GPHN: variants seen among roughly 807,000 people sequenced by gnomAD.
The protein encoded by GPHN is gephyrin.
GPHN carries 17 observed loss-of-function variants against 95.5 expected under a neutral mutation model. The observed-to-expected ratio is 0.18, with a 90% CI of 0.12 to 0.27. The LOEUF (loss-of-function observed/expected upper bound fraction) is 0.27, where lower values mean the gene tolerates loss of function less well. Among genes scored for constraint, GPHN ranks in the 10% least tolerant of loss-of-function variants. The pLI is 1.00. For missense variants in GPHN, 660 were observed against 978.1 expected, an observed-to-expected ratio of 0.67 and a Z score of 4.34; for synonymous variants, 320 against 322.5, an observed-to-expected ratio of 0.99 and a Z score of 0.08.
rs1454303805 is a variant in GPHN at position 66,717,438 on chromosome 14, C to T, written c.143+36253C>T. ...TTTTTTATTTCCTTGCATTGGGCTT[C>T]GCCTTTCTCTGGTGCTTCCCTGATT... On this transcript the variant is annotated intron_variant, in intron 2 of 22. Transcript: ENST00000478722. 7.2e-5 allele frequency among the ~76,000 whole-genome samples: 11 copies of T among 152,092 alleles called. No individual in the cohort carries two copies. In the East Asian group the frequency reaches 7.7e-4, roughly 11 times the overall value.
At chr14:67,642,955 A>G in the GPHN span, among the ~76,000 whole-genome samples, 1 of 151,674 alleles carries the variant, frequency 6.6e-6, no homozygotes, top group East Asian at 1.9e-4. Context: ...GGTGCATGCC[A>G]CCATGCCTGG....
intron 1 of GPHN, among the ~76,000 whole-genome samples, chr14:66,585,813 G>A (rs1848518683): frequency 6.6e-6 from 1 of 152,274 alleles, no homozygotes; most frequent in South Asian, 2.1e-4. Context: ...TTCCAACTAT[G>A]TGGTCAATTT....
the GPHN span, among the ~76,000 whole-genome samples, chr14:67,456,615 A>AAAG: frequency 6.6e-6 from 1 of 152,132 alleles, no homozygotes; most frequent in Non-Finnish European, 1.5e-5. Flanking sequence ...AAAAAAAAAA[A>AAAG]AAAGTCAAAA....
At chr14:66,783,257 A>G (rs1202857486) in intron 3 of GPHN, among the ~76,000 whole-genome samples, 1 of 152,184 alleles carries the variant, frequency 6.6e-6, no homozygotes, top group East Asian at 1.9e-4. Context: ...TAAGTGGCAT[A>G]GTTCTGAATC....
At chr14:66,853,276 C>A (rs1380977480) in intron 4 of GPHN, among the ~76,000 whole-genome samples, 1 of 152,126 alleles carries the variant, frequency 6.6e-6, no homozygotes, top group African/African-American at 2.4e-5. Context: ...TAAAGCACAT[C>A]TGCATTTTTA....
chr14:67,334,348 G>T, the GPHN span: 1 of 152,542 alleles, frequency 6.6e-6, no homozygotes, highest in East Asian at 1.9e-4. Context: ...AAGCCTTTAG[G>T]ATAGTGTGAT....
At chr14:67,658,862 T>G in the GPHN span, among the ~76,000 whole-genome samples, 1 of 152,322 alleles carries the variant, frequency 6.6e-6, no homozygotes, top group South Asian at 2.1e-4. Flanking sequence ...CAAGCCAATA[T>G]CATCCTGAAT....
chr14:67,714,657 T>G, the GPHN span: 1 of 159,164 alleles, frequency 6.3e-6, no homozygotes, highest in African/African-American at 2.4e-5. Flanking sequence ...AGAAAGGTTA[T>G]GTTGCAGACA....
At chr14:67,089,907 G>A (rs564260598) in intron 12 of GPHN, among the ~76,000 whole-genome samples, 3 of 152,196 alleles carry the variant, frequency 2.0e-5, no homozygotes, top group African/African-American at 7.2e-5. Context: ...AGAAACTGTT[G>A]TTGATTTTTT....
the GPHN span, among the ~76,000 whole-genome samples, chr14:67,639,151 G>A: frequency 1.1e-4 from 16 of 152,172 alleles, no homozygotes; most frequent in Non-Finnish European, 2.1e-4. Flanking sequence ...CTGTAAGATT[G>A]CCAAATTCTC....
chr14:66,541,875 G>A (rs1594885449), intron 1 of GPHN, among the ~76,000 whole-genome samples: 1 of 152,196 alleles, frequency 6.6e-6, no homozygotes, highest in African/African-American at 2.4e-5. Flanking sequence ...TTTAGATTCT[G>A]TTCCATTTGT....
At chr14:67,284,547 TAAAAAAAAAAAAAAAAAAAA>T in the GPHN span, among the ~76,000 whole-genome samples, 54 of 23,300 alleles carry the variant, frequency 2.3e-3, no homozygotes, top group South Asian at 3.9e-3. Context: ...GCTGCAGTGC[TAAAAAAAAAAAAAAAAAAAA>T]AAAAAAAAAA....
chr14:67,325,195 A>G, the GPHN span, among the ~76,000 whole-genome samples: 4 of 152,076 alleles, frequency 2.6e-5, no homozygotes, highest in South Asian at 2.1e-4. Context: ...GTGAGCCACC[A>G]GGCCCAGCCT....
intron 4 of GPHN, among the ~76,000 whole-genome samples, chr14:66,833,230 AAC>A (rs1328977077): frequency 6.6e-6 from 1 of 152,142 alleles, no homozygotes; most frequent in Non-Finnish European, 1.5e-5. Flanking sequence ...AGTTGAAGCA[AAC>A]ACATCCTTCT....
At chr14:66,943,296 T>G (rs900297345) in intron 8 of GPHN, among the ~76,000 whole-genome samples, 4 of 152,242 alleles carry the variant, frequency 2.6e-5, no homozygotes, top group African/African-American at 9.6e-5. Context: ...TCCAGTAGTT[T>G]GAGTTATATG....
the GPHN span, chr14:67,685,207 G>A: frequency 5.0e-6 from 8 of 1,608,356 alleles, no homozygotes; most frequent in Non-Finnish European, 5.9e-6. Flanking sequence ...GCCAGAGCCT[G>A]GTTGGGGGTG....
At chr14:67,393,052 G>A in the GPHN span, 2 of 1,011,770 alleles carry the variant, frequency 2.0e-6, no homozygotes, top group African/African-American at 1.6e-5. Context: ...CCAGCAGGCA[G>A]CTCTGACCTC....
chr14:67,484,531 G>A, the GPHN span, among the ~76,000 whole-genome samples: 1 of 152,184 alleles, frequency 6.6e-6, no homozygotes, highest in Non-Finnish European at 1.5e-5. Flanking sequence ...AAAGTTCCCT[G>A]TAATCACACA....
At chr14:67,158,451 A>G (rs901847252) in intron 18 of GPHN, among the ~76,000 whole-genome samples, 1 of 152,164 alleles carries the variant, frequency 6.6e-6, no homozygotes, top group Non-Finnish European at 1.5e-5. Context: ...CACTATTGGC[A>G]AGGAGACCTA....
Sources: gnomAD v4.1 joint callset for allele counts (sites outside exome capture counted in the v4.1 genomes callset) on GRCh38, gnomAD v4.1.1 for gene constraint, MANE v1.5 for transcripts, NCBI Gene and HGNC (gene_info 2026-07-23, HGNC 2026-07-21) for gene names.